Variants in TNFRSF8 observed in about 807,000 individuals in gnomAD.
The protein encoded by TNFRSF8 is TNF receptor superfamily member 8, also known as tumor necrosis factor receptor superfamily member 8.
A neutral mutation model predicts 70.8 loss-of-function variants in TNFRSF8; 26 were observed. The ratio of observed to expected loss-of-function variants is 0.37; its 90% CI spans 0.27 to 0.51. The LOEUF (loss-of-function observed/expected upper bound fraction) is 0.51. Among genes scored for constraint, TNFRSF8 ranks in the 20% least tolerant of loss-of-function variants. The pLI, the probability that TNFRSF8 is intolerant of heterozygous loss-of-function variation, is 0.94. For missense variants in TNFRSF8, 720 were observed against 807.9 expected, an observed-to-expected ratio of 0.89 and a Z score of 1.32; for synonymous variants, 356 against 339.2, an observed-to-expected ratio of 1.05 and a Z score of -0.54.
intron 1 of TNFRSF8, among the ~76,000 whole-genome samples, chr1:12,079,456 C>A (rs538515703): frequency 6.6e-6 from 1 of 152,284 alleles, no homozygotes; most frequent in African/African-American, 2.4e-5. Flanking sequence ...CCGAGCACAT[C>A]CCAGCTCCCC....
Position 12,119,555 on chromosome 1 carries a change from C to CTTTTT in TNFRSF8, c.947-3720_947-3716dup, listed in dbSNP as rs57055779. On this transcript the variant is annotated intron_variant, in intron 8 of 14. Coordinates refer to ENST00000263932, the MANE Select transcript of TNFRSF8 (RefSeq NM_001243.5). The surrounding 1 kb of genome is among the most constrained non-coding windows in gnomAD (Gnocchi z 4.4). ...ATGAATGAAAACAGCTGTGAATATT[C>CTTTTT]TTTTTTTTTTTTTAACATGTATGAA... Among the ~76,000 whole-genome samples, 4 of 145,854 alleles carry CTTTTT rather than the reference C, an allele frequency of 2.7e-5. No homozygotes were observed. Among genetic ancestry groups the CTTTTT allele is most frequent in the African/African-American group, 1.0e-4 (4 of 39,876 alleles).
chr1:12,111,936 G>A lies in TNFRSF8; in HGVS notation c.715G>A (p.Asp239Asn), dbSNP rs1325498808. The A allele has an allele frequency of 3.1e-6, 5 of 1,614,220 alleles. No individual in the cohort carries two copies. Among genetic ancestry groups the A allele is most frequent in the Non-Finnish European group, 4.2e-6 (5 of 1,180,036 alleles). ...PTQPCPEGSGDCRKQCEPDYY... is the reference protein window; with the variant it reads ...PTQPCPEGSGNCRKQCEPDYY... ...ACAGCCATGCCCAGAGGGGTCTGGT[G>A]ATTGCAGAAAGCAGTGTGAGCCCGA... The change falls in exon 7 of 15, where the codon GAT becomes AAT. Residue 239 changes from aspartate (D) to asparagine (N), a missense_variant. Coordinates refer to ENST00000263932, the MANE Select transcript of TNFRSF8 (RefSeq NM_001243.5).
intron 3 of TNFRSF8, among the ~76,000 whole-genome samples, chr1:12,103,724 G>A (rs896999256): frequency 3.9e-5 from 6 of 152,078 alleles, no homozygotes; most frequent in Non-Finnish European, 8.8e-5. Flanking sequence ...GCCATATGAG[G>A]GCAAATGATC....
In TNFRSF8 at chr1:12,108,033, A is replaced by G. The variant is rs2101000830; in HGVS notation, c.422-1533A>G. On this transcript the variant is annotated intron_variant, in intron 4 of 14. Coordinates refer to ENST00000263932, the MANE Select transcript of TNFRSF8 (RefSeq NM_001243.5). This position sits in a 1 kb window ranked among gnomAD's most constrained non-coding sequence, Gnocchi z 4.0. Reference sequence around the variant, plus strand: ...GTCAGCATTGCTCGCGCTCACCTCCACGGAAAGCTTCAGAGCGAAGTCCCA... The same window carrying G: ...GTCAGCATTGCTCGCGCTCACCTCCGCGGAAAGCTTCAGAGCGAAGTCCCA... Among the ~76,000 whole-genome samples, 1 of 151,914 alleles carries G rather than the reference A, an allele frequency of 6.6e-6. No individual in the cohort carries two copies. Among genetic ancestry groups the G allele is most frequent in the Non-Finnish European group, 1.5e-5 (1 of 67,982 alleles).
In TNFRSF8 at chr1:12,110,115, G is replaced by C. The variant is rs757450306; in HGVS notation, c.587G>C (p.Gly196Ala). The change falls in exon 6 of 15, where the codon GGG becomes GCG. Residue 196 changes from glycine to alanine, a missense_variant. Physicochemically the swap from Gly to Ala is moderately conservative, Grantham distance 60. Transcript: ENST00000263932. The surrounding 1 kb of genome is among the most constrained non-coding windows in gnomAD (Gnocchi z 4.0). ...AGTGCCAGCACCATGCCTGTAAGAG[G>C]GGGCACCCGCCTCGCCCAGGAAGCT... is the stretch of plus-strand genomic sequence containing the variant. ...TSSASTMPVR[G>A]GTRLAQEAAS... is the part of the protein sequence containing the mutation. The C allele has an allele frequency of 7.4e-6, 12 of 1,613,660 alleles. No individual in the cohort carries two copies. In the South Asian group the frequency reaches 1.3e-4, roughly 18 times the overall value.
At chr1:12,099,545 G>A (rs1641384684) in intron 3 of TNFRSF8, among the ~76,000 whole-genome samples, 1 of 152,026 alleles carries the variant, frequency 6.6e-6, no homozygotes, top group Non-Finnish European at 1.5e-5. Context: ...AGCCTCCCGA[G>A]TAGCTGGGGC....
intron 1 of TNFRSF8, 106 bp from the exon 2 acceptor site, chr1:12,084,358 T>G (rs774216472): frequency 8.2e-5 from 81 of 987,700 alleles, no homozygotes; most frequent in Non-Finnish European, 1.2e-4. Flanking sequence ...CTGATTTCTC[T>G]CCTATATTAC....
In TNFRSF8 at chr1:12,091,599, G is replaced by A. The variant is rs547569954; in HGVS notation, c.152-5502G>A. Among the ~76,000 whole-genome samples, 203 of 152,282 alleles carry A rather than the reference G, an allele frequency of 1.3e-3. 2 individuals carry two copies. Among genetic ancestry groups the A allele is most frequent in the African/African-American group, 4.7e-3 (195 of 41,556 alleles). On this transcript the variant is annotated intron_variant, in intron 2 of 14. Coordinates refer to ENST00000263932, the MANE Select transcript of TNFRSF8 (RefSeq NM_001243.5). The stretch of plus-strand genomic sequence containing the variant: ...ATCAGGAAAGTTCCATGAGAAGATG[G>A]TATTTCAGCCTGATCTGGCTGGGTG...
intron 2 of TNFRSF8, among the ~76,000 whole-genome samples, chr1:12,094,212 C>T (rs1641292654): frequency 6.6e-6 from 1 of 152,096 alleles, no homozygotes; most frequent in Non-Finnish European, 1.5e-5. Context: ...GTGATTACAA[C>T]AGTTAGGTGT....
chr1:12,083,903 C>T (rs758797109), intron 1 of TNFRSF8, among the ~76,000 whole-genome samples: 4 of 152,038 alleles, frequency 2.6e-5, no homozygotes, highest in South Asian at 2.1e-4. Flanking sequence ...ACTAATAGAG[C>T]GATAGAAATC....
intron 3 of TNFRSF8, among the ~76,000 whole-genome samples, chr1:12,103,904 TC>T (rs1461301654): frequency 6.6e-6 from 1 of 152,232 alleles, no homozygotes; most frequent in Non-Finnish European, 1.5e-5. Flanking sequence ...CAGGGTTCAC[TC>T]TTTGTGTTGC....
intron 12 of TNFRSF8, 39 bp downstream of exon 12, chr1:12,126,275 A>G (rs746074222): frequency 3.1e-6 from 5 of 1,613,248 alleles, no homozygotes; most frequent in Non-Finnish European, 4.2e-6. Context: ...CCCGAGCCAG[A>G]GGAACACAGG....
chr1:12,109,588 C>G lies in TNFRSF8; in HGVS notation c.444C>G (p.Val148=). Residue 148 remains valine, a synonymous_variant, in exon 5 of 15, where the codon GTC becomes GTG. Transcript: ENST00000263932. The surrounding 1 kb of genome is among the most constrained non-coding windows in gnomAD (Gnocchi z 4.4). ...CAGGCACGGCGCAGAAGAACACGGT[C>G]TGTGAGCCGGCTTCCCCAGGGGTCA... ...KFPGTAQKNT[V]CEPASPGVSP... 1 of 1,613,734 alleles carries G rather than the reference C, an allele frequency of 6.2e-7. No homozygotes were observed.
chr1:12,101,113 T>C (rs1641416298), intron 3 of TNFRSF8, among the ~76,000 whole-genome samples: 1 of 152,178 alleles, frequency 6.6e-6, no homozygotes, highest in South Asian at 2.1e-4. Context: ...TTTGTTTTAA[T>C]AAGTAGGAGT....
At chr1:12,132,792 C>T (rs1402448129) in intron 12 of TNFRSF8, among the ~76,000 whole-genome samples, 1 of 132,792 alleles carries the variant, frequency 7.5e-6, no homozygotes, top group Non-Finnish European at 1.5e-5. Context: ...GAGCTGAGAA[C>T]GTGCCACTAC....
At position 12,109,926 on chromosome 1, in the gene TNFRSF8, A is replaced by T. The variant is rs1011832395; in HGVS notation, c.513-115A>T. The T allele has an allele frequency of 3.3e-5, 43 of 1,308,724 alleles. No homozygotes were observed. The highest frequency in any genetic ancestry group is 3.7e-5 in the Non-Finnish European group (35 of 944,166). 81.1% of individuals were successfully genotyped at this position (1,308,724 alleles called of 1,614,324 possible). A position where few individuals can be genotyped will look rare whatever the true frequency, so the allele number is the denominator to read the frequency against. On this transcript the variant is annotated intron_variant, in intron 5 of 14. Transcript: ENST00000263932. The surrounding 1 kb of genome is among the most constrained non-coding windows in gnomAD (Gnocchi z 4.4). ...CAGGAGCTTACAGTGGGCCCGCCAGAGGCAGTGGGCCAAGGGCCTGGGACC... is the reference window on the plus strand; with the variant it reads ...CAGGAGCTTACAGTGGGCCCGCCAGTGGCAGTGGGCCAAGGGCCTGGGACC...
chr1:12,142,246 T>TGCTCTG lies in TNFRSF8; in HGVS notation c.1544-38_1544-33dup. The TGCTCTG allele has an allele frequency of 6.6e-7, 1 of 1,522,544 alleles. No individual in the cohort carries two copies. Among genetic ancestry groups the TGCTCTG allele is most frequent in the Non-Finnish European group, 8.9e-7 (1 of 1,129,394 alleles). The allele number at this position is 1,522,544 out of a possible 1,614,324, so 94.3% of individuals were successfully genotyped here. A position where few individuals can be genotyped will look rare whatever the true frequency, so the allele number is the denominator to read the frequency against. On this transcript the variant is annotated intron_variant, in intron 14 of 14. Transcript: ENST00000263932. This position sits in a 1 kb window ranked among gnomAD's most constrained non-coding sequence, Gnocchi z 5.0. ...GCCTCTTTGCTCCCATCCTGGCTGG[T>TGCTCTG]GCTCTGGCCTCCCTCGCTCACCCAT... is the stretch of plus-strand genomic sequence containing the variant.
chr1:12,066,593 T>C (rs61071913), intron 1 of TNFRSF8, among the ~76,000 whole-genome samples: 2 of 152,208 alleles, frequency 1.3e-5, no homozygotes, highest in African/African-American at 4.8e-5. Context: ...CCTCAGGAGA[T>C]CCATCCACCT....
At chr1:12,115,149 G>A (rs774391478) in intron 7 of TNFRSF8, among the ~76,000 whole-genome samples, 3 of 152,090 alleles carry the variant, frequency 2.0e-5, no homozygotes, top group South Asian at 2.1e-4. Context: ...CGCTCACCCC[G>A]TCCCCTGGAG....
Sources: allele counts gnomAD v4.1 joint callset (sites outside exome capture counted in the v4.1 genomes callset), GRCh38; gene constraint gnomAD v4.1.1; non-coding constraint Gnocchi (gnomAD v3.1); transcripts MANE v1.5; gene names NCBI Gene and HGNC (gene_info 2026-07-23, HGNC 2026-07-21).